Variants in ARHGEF3 observed in about 807,000 individuals in gnomAD.
ARHGEF3 encodes 59.8 kDA protein.
Under a neutral mutation model 63.2 loss-of-function variants are expected in ARHGEF3, and 28 were observed. The observed-to-expected ratio is 0.44, with a 90% CI of 0.33 to 0.61. ARHGEF3 has a LOEUF of 0.61. Among genes scored for constraint, ARHGEF3 ranks in the 20% least tolerant of loss-of-function variants. The probability of loss-of-function intolerance (pLI) is 0.03; values close to 1 mark genes in which losing one functional copy is unlikely to be tolerated. For missense variants in ARHGEF3, 533 were observed against 659.3 expected (o/e 0.81, Z 2.10); for synonymous variants, 266 against 254.2 (o/e 1.05, Z -0.44).
chr3:56,891,341 C>CTTT (rs146940929), intron 3 of ARHGEF3, among the ~76,000 whole-genome samples: 5 of 140,540 alleles, frequency 3.6e-5, no homozygotes, highest in Non-Finnish European at 7.7e-5. Flanking sequence ...TAGTACACTG[C>CTTT]TTTTTTTTTT....
At position 56,827,781 on chromosome 3, in the gene ARHGEF3, G is replaced by GAA. The variant is rs71072198; in HGVS notation, c.193-53967_193-53966dup. Among the ~76,000 whole-genome samples, 409 of 113,646 alleles carry GAA rather than the reference G, an allele frequency of 3.6e-3. 4 individuals are homozygous for GAA. The highest frequency in any genetic ancestry group is 0.013 in the African/African-American group (385 of 29,472). The allele number at this position is 113,646 out of a possible 152,430, so 74.6% of individuals were successfully genotyped here. A position where few individuals can be genotyped will look rare whatever the true frequency, so the allele number is the denominator to read the frequency against. ...AAAAAAAAAAAAAAAAAACAGAAAA[G>GAA]AAAAAAAAAAGCCAGGCATGGTCGC... On this transcript the variant is annotated intron_variant, in intron 4 of 12. Transcript: ENST00000338458.
chr3:56,885,113 G>C (rs947597558), intron 3 of ARHGEF3, among the ~76,000 whole-genome samples: 5 of 152,170 alleles, frequency 3.3e-5, no homozygotes, highest in Non-Finnish European at 5.9e-5. Context: ...AGAATGCTGT[G>C]ATCACAATCA....
intron 9 of ARHGEF3, 63 bp downstream of exon 9, chr3:56,732,175 C>T (rs1321370071): frequency 6.3e-7 from 1 of 1,586,228 alleles, no homozygotes; most frequent in Admixed American, 1.7e-5. Context: ...ACCAGCTGCC[C>T]ACTCCCTCCA....
intron 3 of ARHGEF3, chr3:56,898,597 G>T (rs1372462590): frequency 3.6e-6 from 1 of 278,520 alleles, no homozygotes; most frequent in Non-Finnish European, 8.0e-6. Flanking sequence ...GAGCAAAGAT[G>T]TAAGTATCAG....
intron 2 of ARHGEF3, among the ~76,000 whole-genome samples, chr3:56,973,729 C>T (rs1701017856): frequency 6.6e-6 from 1 of 151,886 alleles, no homozygotes; most frequent in Non-Finnish European, 1.5e-5. Flanking sequence ...AAGCAGAGAC[C>T]CCTGGTGACT....
chr3:57,007,064 G>C, intron 2 of ARHGEF3: 1 of 902,970 alleles, frequency 1.1e-6, no homozygotes. Context: ...CTCACTCTGG[G>C]TGCTGACTAT....
chr3:57,007,624 T>C (rs1579074641), intron 2 of ARHGEF3, among the ~76,000 whole-genome samples: 3 of 152,136 alleles, frequency 2.0e-5, no homozygotes, highest in Admixed American at 2.0e-4. Flanking sequence ...ACTCAGCCTC[T>C]TCCTAGCCGA....
chr3:56,984,059 T>C (rs1373713715), intron 2 of ARHGEF3, among the ~76,000 whole-genome samples: 1 of 151,934 alleles, frequency 6.6e-6, no homozygotes, highest in Non-Finnish European at 1.5e-5. Flanking sequence ...TGGGGGCACC[T>C]TTTTGTAGGG....
At chr3:56,960,991 ATG>A (rs1385614064) in intron 2 of ARHGEF3, 3 of 152,188 alleles carry the variant, frequency 2.0e-5, no homozygotes, top group Non-Finnish European at 4.4e-5. Flanking sequence ...TTCTGAGTAA[ATG>A]TGTCTTTATC....
chr3:56,999,687 C>T (rs1215315186), intron 2 of ARHGEF3, among the ~76,000 whole-genome samples: 2 of 152,138 alleles, frequency 1.3e-5, no homozygotes, highest in Non-Finnish European at 2.9e-5. Context: ...GTTCCAGCTA[C>T]TTGGGAGGAT....
rs3732507 is a variant in ARHGEF3, at chr3:56,801,761, T to G, written c.38A>C (p.Lys13Thr). The G allele has an allele frequency of 1.5e-5, 24 of 1,569,892 alleles. No homozygotes were observed. Among genetic ancestry groups the G allele is most frequent in the Non-Finnish European group, 2.1e-5 (24 of 1,156,050 alleles). The change falls in exon 1 of 10, where the codon AAG becomes ACG. Residue 13 changes from lysine (K) to threonine (T), a missense_variant. By Grantham distance (78) the Lys-to-Thr change is moderately conservative. Around this residue, in one of 4 missense-constraint regions of ARHGEF3, gnomAD observed 160 missense variants for 157.3 expected, o/e 1.02. Coordinates refer to ENST00000296315, the MANE Select transcript of ARHGEF3 (RefSeq NM_019555.3). Reference sequence around the variant, plus strand: ...TAGCTCCAGGCTGCAGTTCGCTCTCTTGACCGTGAGGTAGAAGGGGTAATC... The same window carrying G: ...TAGCTCCAGGCTGCAGTTCGCTCTCGTGACCGTGAGGTAGAAGGGGTAATC... ...AKDYPFYLTV[K>T]RANCSLELPP...
At chr3:56,741,499 T>C (rs1206506964) in intron 7 of ARHGEF3, among the ~76,000 whole-genome samples, 1 of 118,326 alleles carries the variant, frequency 8.5e-6, no homozygotes, top group Non-Finnish European at 1.8e-5. Flanking sequence ...ATTGGTTCTT[T>C]TTTTTTTTTT....
intron 4 of ARHGEF3, among the ~76,000 whole-genome samples, chr3:56,877,144 G>A (rs897136692): frequency 6.6e-6 from 1 of 152,144 alleles, no homozygotes; most frequent in African/African-American, 2.4e-5. Context: ...ACTGATAAAA[G>A]AGATTACACA....
intron 3 of ARHGEF3, among the ~76,000 whole-genome samples, chr3:56,904,574 G>A (rs1288931220): frequency 6.6e-6 from 1 of 152,160 alleles, no homozygotes; most frequent in Non-Finnish European, 1.5e-5. Context: ...AAAAACATGA[G>A]AGGAGTAACA....
At chr3:56,757,545 T>C (rs2035150820) in intron 2 of ARHGEF3, among the ~76,000 whole-genome samples, 1 of 152,104 alleles carries the variant, frequency 6.6e-6, no homozygotes, top group African/African-American at 2.4e-5. Context: ...TAATTTAAAA[T>C]GTAAACACCC....
At chr3:56,922,885 T>C (rs944450668) in intron 3 of ARHGEF3, among the ~76,000 whole-genome samples, 2 of 151,852 alleles carry the variant, frequency 1.3e-5, no homozygotes, top group African/African-American at 2.4e-5. Context: ...AACTGACATA[T>C]GTATTTAAAA....
chr3:56,927,741 G>A (rs2042312189), intron 3 of ARHGEF3, among the ~76,000 whole-genome samples: 2 of 152,140 alleles, frequency 1.3e-5, no homozygotes, highest in South Asian at 4.1e-4. Context: ...GAGCTGCAGA[G>A]TTGGGAAAGT....
At chr3:56,779,549 G>C (rs1578491074) in intron 1 of ARHGEF3, among the ~76,000 whole-genome samples, 1 of 152,028 alleles carries the variant, frequency 6.6e-6, no homozygotes, top group South Asian at 2.1e-4. Flanking sequence ...CTGGAGTGCA[G>C]TGGCGCCATC....
At chr3:56,756,893 G>A (rs779232369) in intron 2 of ARHGEF3, among the ~76,000 whole-genome samples, 8 of 152,148 alleles carry the variant, frequency 5.3e-5, no homozygotes, top group Admixed American at 1.3e-4. Context: ...AACTCAAACA[G>A]CACCTCCTCT....
Sources: allele counts gnomAD v4.1 joint callset (sites outside exome capture counted in the v4.1 genomes callset), GRCh38; gene constraint gnomAD v4.1.1; regional missense constraint gnomAD v4.1.1; transcripts MANE v1.5; gene names NCBI Gene and HGNC (gene_info 2026-07-23, HGNC 2026-07-21).